Variants in IGF1R observed in about 807,000 individuals in gnomAD.
IGF1R encodes insulin-like growth factor 1 receptor.
IGF1R carries 44 observed loss-of-function variants against 144.6 expected under a neutral mutation model. That is an observed-to-expected ratio of 0.30 (90% CI 0.24 to 0.39). The LOEUF (loss-of-function observed/expected upper bound fraction) is 0.39. Ranked by LOEUF, IGF1R falls within the 10% of genes least tolerant of loss-of-function variation. IGF1R has a pLI of 1.00. For synonymous variants in IGF1R, 795 were observed against 722.8 expected, an observed-to-expected ratio of 1.10 and a Z score of -1.60; for missense variants, 1,355 against 1,833.7, an observed-to-expected ratio of 0.74 and a Z score of 4.77.
At chr15:98,907,423 C>G (rs1228417695) in intron 5 of IGF1R, among the ~76,000 whole-genome samples, 1 of 152,224 alleles carries the variant, frequency 6.6e-6, no homozygotes. Context: ...GCTGGCTCTG[C>G]AGGGAGGGCT....
intron 2 of IGF1R, among the ~76,000 whole-genome samples, chr15:98,756,785 T>C (rs1342788464): frequency 6.6e-6 from 1 of 152,230 alleles, no homozygotes; most frequent in Non-Finnish European, 1.5e-5. Flanking sequence ...TACGTATTTT[T>C]GGTTTTAGAC....
In IGF1R at chr15:98,934,961, A is replaced by G. The variant is rs374208921; in HGVS notation, c.3094A>G (p.Ile1032Val). Residue 1032 changes from isoleucine (I) to valine (V), a missense_variant, in exon 16 of 21, where the codon ATT becomes GTT. Physicochemically the swap from Ile to Val is conservative, Grantham distance 29. Coordinates refer to ENST00000650285, the MANE Select transcript of IGF1R (RefSeq NM_000875.5). ...AGATGAACCTGAAACCAGAGTGGCC[A>G]TTAAAACAGTGAACGAGGCCGCAAG... ...VKDEPETRVA[I>V]KTVNEAASMR... is the part of the protein sequence containing the mutation. 9.9e-6 allele frequency: 16 copies of G among 1,614,086 alleles called. No homozygotes were observed. In the African/African-American group the frequency reaches 1.9e-4, roughly 19 times the overall value.
intron 3 of IGF1R, among the ~76,000 whole-genome samples, chr15:98,893,954 A>C (rs952169744): frequency 3.9e-5 from 6 of 152,232 alleles, no homozygotes; most frequent in African/African-American, 1.4e-4. Flanking sequence ...TCTCTATACC[A>C]TAGTGGATTT....
chr15:98,673,077 C>T (rs992004359), intron 1 of IGF1R, among the ~76,000 whole-genome samples: 1 of 152,094 alleles, frequency 6.6e-6, no homozygotes, highest in Non-Finnish European at 1.5e-5. Flanking sequence ...TCACTGTAAC[C>T]TTGAACTCCT....
At chr15:98,897,046 CTCT>C (rs2014235649) in intron 4 of IGF1R, 141 bp downstream of exon 4, 7 of 757,214 alleles carry the variant, frequency 9.2e-6, no homozygotes, top group Admixed American at 2.2e-5. Flanking sequence ...CGCATGACGT[CTCT>C]TCTTTGAGTT....
At chr15:98,760,594 G>A (rs1397758598) in intron 2 of IGF1R, among the ~76,000 whole-genome samples, 2 of 152,154 alleles carry the variant, frequency 1.3e-5, no homozygotes, top group Non-Finnish European at 2.9e-5. Flanking sequence ...AGTGCATGTC[G>A]CTGCGGCATT....
intron 1 of IGF1R, among the ~76,000 whole-genome samples, chr15:98,698,691 T>C (rs1396355907): frequency 6.6e-6 from 1 of 152,246 alleles, no homozygotes; most frequent in African/African-American, 2.4e-5. Flanking sequence ...TGGTTGGTGA[T>C]GGATCCAAGA....
At chr15:98,939,495 T>C in intron 18 of IGF1R, 135 bp downstream of exon 18, 1 of 854,310 alleles carries the variant, frequency 1.2e-6, no homozygotes, top group African/African-American at 1.7e-5. Flanking sequence ...GGGAATGATG[T>C]GATTGTCTCC....
intron 1 of IGF1R, among the ~76,000 whole-genome samples, chr15:98,665,103 G>A (rs1276584008): frequency 6.6e-6 from 1 of 151,930 alleles, no homozygotes; most frequent in Non-Finnish European, 1.5e-5. Context: ...GACTACAGGC[G>A]TCCGCTGCCA....
At chr15:98,747,233 G>T (rs1398915253) in intron 2 of IGF1R, among the ~76,000 whole-genome samples, 2 of 152,010 alleles carry the variant, frequency 1.3e-5, no homozygotes, top group African/African-American at 4.8e-5. Flanking sequence ...TTTCACTCTT[G>T]TCACCCAGGC....
Position 98,962,751 on chromosome 15 carries a change from C to G in IGF1R, c.*5309C>G, listed in dbSNP as rs2684785. On this transcript the variant is annotated 3_prime_UTR_variant, in exon 21 of 21. Coordinates refer to ENST00000650285, the MANE Select transcript of IGF1R (RefSeq NM_000875.5). ...TGAACTTGATTGTTCTTGAAGCTAT[C>G]AGACCACATCGAGGCTCAGCAGTCA... is the stretch of plus-strand genomic sequence containing the variant. 8.6e-6 allele frequency: 2 copies of G among 233,238 alleles called. No individual in the cohort carries two copies. Among genetic ancestry groups the G allele is most frequent in the African/African-American group, 2.2e-5 (1 of 45,306 alleles). The allele number at this position is 233,238 out of a possible 1,614,324, so 14.4% of individuals were successfully genotyped here. A position where few individuals can be genotyped will look rare whatever the true frequency, so the allele number is the denominator to read the frequency against.
chr15:98,744,893 G>A (rs925701816), intron 2 of IGF1R, among the ~76,000 whole-genome samples: 3 of 152,084 alleles, frequency 2.0e-5, no homozygotes, highest in Admixed American at 6.6e-5. Flanking sequence ...CCCTGGAGAG[G>A]CCAGGAAACA....
intron 1 of IGF1R, among the ~76,000 whole-genome samples, chr15:98,689,538 A>T (rs75294178): frequency 6.7e-6 from 1 of 150,100 alleles, no homozygotes; most frequent in Non-Finnish European, 1.5e-5. Flanking sequence ...GTTGCACTAC[A>T]TTTTTTTTTT....
In IGF1R at chr15:98,961,754, C is replaced by G. The variant is rs1345183716; in HGVS notation, c.*4312C>G. On this transcript the variant is annotated 3_prime_UTR_variant, in exon 21 of 21. Coordinates refer to ENST00000650285, the MANE Select transcript of IGF1R (RefSeq NM_000875.5). ...TGTTGAACTTGATCAAGACCCAGAC[C>G]ACCCCAGGTCTCCTTCGTGGGATGT... 4.3e-6 allele frequency: 1 copy of G among 233,470 alleles called. No individual in the cohort carries two copies. Among genetic ancestry groups the G allele is most frequent in the Admixed American group, 5.6e-5 (1 of 17,786 alleles). 14.5% of individuals were successfully genotyped at this position (233,470 alleles called of 1,614,324 possible). A position where few individuals can be genotyped will look rare whatever the true frequency, so the allele number is the denominator to read the frequency against.
rs377636991 is a variant in IGF1R, at chr15:98,899,559, C to T, written c.1185C>T (p.Ala395=). Residue 395 remains alanine, a synonymous_variant, in exon 5 of 21, where the codon GCC becomes GCT. Coordinates refer to ENST00000650285, the MANE Select transcript of IGF1R (RefSeq NM_000875.5). The part of the protein sequence containing the change: ...TGYVKIRHSH[A]LVSLSFLKNL... ...ACGTGAAGATCCGCCATTCTCATGC[C>T]TTGGTCTCCTTGTCCTTCCTAAAAA... 12 of 1,614,074 alleles carry T rather than the reference C, an allele frequency of 7.4e-6. No individual in the cohort carries two copies. In the African/African-American group the frequency reaches 9.3e-5, roughly 13 times the overall value.
intron 2 of IGF1R, among the ~76,000 whole-genome samples, chr15:98,767,274 C>G (rs766124314): frequency 1.1e-4 from 16 of 152,136 alleles, no homozygotes; most frequent in Non-Finnish European, 1.8e-4. Context: ...AATGTCTTTT[C>G]TGAGTGTGAG....
At chr15:98,921,851 A>C (rs900366518) in intron 10 of IGF1R, among the ~76,000 whole-genome samples, 1 of 152,144 alleles carries the variant, frequency 6.6e-6, no homozygotes, top group African/African-American at 2.4e-5. Flanking sequence ...TGACACAGCC[A>C]GGACTGCCTG....
intron 2 of IGF1R, among the ~76,000 whole-genome samples, chr15:98,731,308 A>C (rs2054491529): frequency 6.6e-6 from 1 of 152,204 alleles, no homozygotes; most frequent in Admixed American, 6.5e-5. Context: ...AATCCCGAAT[A>C]CTTATTAGGG....
At chr15:98,949,697 T>C (rs1324226405) in intron 20 of IGF1R, among the ~76,000 whole-genome samples, 1 of 152,230 alleles carries the variant, frequency 6.6e-6, no homozygotes, top group Non-Finnish European at 1.5e-5. Context: ...AAAAACACTT[T>C]GCAGCTTTTA....
Sources: allele counts gnomAD v4.1 joint callset (sites outside exome capture counted in the v4.1 genomes callset), GRCh38; gene constraint gnomAD v4.1.1; transcripts MANE v1.5; gene names NCBI Gene and HGNC (gene_info 2026-07-23, HGNC 2026-07-21).